Variants in ZNF292 observed in about 807,000 individuals in gnomAD.
ZNF292 encodes 16 zinc-finger domain protein.
In ZNF292, 26 loss-of-function variants were observed where a neutral mutation model predicts 217.9. The ratio of observed to expected loss-of-function variants is 0.12; its 90% CI spans 0.09 to 0.17. The LOEUF (loss-of-function observed/expected upper bound fraction) is 0.17, where lower values mean the gene tolerates loss of function less well. Among genes scored for constraint, ZNF292 ranks in the 10% least tolerant of loss-of-function variants. ZNF292 has a pLI of 1.00. For missense variants in ZNF292, 2,904 were observed against 3,175.2 expected, an observed-to-expected ratio of 0.91 and a Z score of 2.05; for synonymous variants, 1,257 against 1,124.1, an observed-to-expected ratio of 1.12 and a Z score of -2.37.
intron 7 of ZNF292, among the ~76,000 whole-genome samples, chr6:87,246,581 T>G (rs1306252981): frequency 3.9e-5 from 6 of 152,214 alleles, no homozygotes; most frequent in Non-Finnish European, 8.8e-5. Context: ...TATAAGATCC[T>G]GGGCCAGGCC....
chr6:87,160,491 ATGTGTGTGTG>A (rs1260142601), intron 1 of ZNF292, among the ~76,000 whole-genome samples: 1 of 146,436 alleles, frequency 6.8e-6, no homozygotes, highest in East Asian at 2.0e-4. Flanking sequence ...TTGTATATAT[ATGTGTGTGTG>A]TGTGTGTGTG....
intron 7 of ZNF292, among the ~76,000 whole-genome samples, chr6:87,250,807 T>C (rs1774882918): frequency 6.6e-6 from 1 of 152,212 alleles, no homozygotes; most frequent in Non-Finnish European, 1.5e-5. Context: ...AGTATACTCT[T>C]CACTAGACTC....
At chr6:87,218,775 G>A (rs767901962) in intron 4 of ZNF292, 44 bp downstream of exon 4, 15 of 1,511,860 alleles carry the variant, frequency 9.9e-6, no homozygotes, top group South Asian at 1.3e-5. Flanking sequence ...AATTAGACTA[G>A]AAAAAATAAG....
intron 1 of ZNF292, among the ~76,000 whole-genome samples, chr6:87,165,272 G>A (rs1327983746): frequency 1.3e-5 from 2 of 152,066 alleles, no homozygotes; most frequent in Non-Finnish European, 2.9e-5. Flanking sequence ...TCTTGTAACA[G>A]TGTTTCTCAG....
At position 87,259,082 on chromosome 6, in the gene ZNF292, T is replaced by G; in HGVS notation, c.5453T>G (p.Val1818Gly). The G allele has an allele frequency of 6.2e-7, 1 of 1,613,218 alleles. No individual in the cohort carries two copies. The stretch of plus-strand genomic sequence containing the variant: ...TCTCCGTTTTCCTCCTTTATAAGTG[T>G]CATGCCAACAAAAAGTAACATTCCT... ...DSSPFSSFIS[V>G]MPTKSNIPQS... The change falls in exon 8 of 8, where the codon GTC becomes GGC. Residue 1818 changes from valine (V) to glycine (G), a missense_variant. By Grantham distance (109) the Val-to-Gly change is moderately radical (BLOSUM62 -3). Coordinates refer to ENST00000369577, the MANE Select transcript of ZNF292 (RefSeq NM_015021.3).
chr6:87,180,369 C>T (rs1295562402), intron 1 of ZNF292, among the ~76,000 whole-genome samples: 3 of 152,200 alleles, frequency 2.0e-5, no homozygotes, highest in Non-Finnish European at 2.9e-5. Flanking sequence ...TGTGAATGCA[C>T]GGCTGCCAGT....
intron 1 of ZNF292, among the ~76,000 whole-genome samples, chr6:87,182,814 A>G (rs1771511055): frequency 6.6e-6 from 1 of 152,204 alleles, no homozygotes; most frequent in Admixed American, 6.5e-5. Flanking sequence ...AGTAAATTAT[A>G]TTATTTTTAA....
chr6:87,239,667 T>C (rs1205039868), intron 5 of ZNF292, among the ~76,000 whole-genome samples: 24 of 78,042 alleles, frequency 3.1e-4, no homozygotes, highest in African/African-American at 1.7e-3. Context: ...TCCTCACTTC[T>C]CAGACGGGGC....
At chr6:87,186,784 T>A (rs73751994) in intron 1 of ZNF292, among the ~76,000 whole-genome samples, 1,681 of 152,302 alleles carry the variant, frequency 0.011, 35 homozygotes, top group African/African-American at 0.037. Context: ...GGAGGAAGGA[T>A]AATTTGGAGT....
chr6:87,196,295 A>G (rs997224209), intron 1 of ZNF292, among the ~76,000 whole-genome samples: 3 of 152,102 alleles, frequency 2.0e-5, no homozygotes, highest in Non-Finnish European at 4.4e-5. Flanking sequence ...CCTCTGGGAT[A>G]TCTTCATCTT....
chr6:87,163,283 C>CT (rs1770812947), intron 1 of ZNF292, among the ~76,000 whole-genome samples: 1 of 152,124 alleles, frequency 6.6e-6, no homozygotes, highest in African/African-American at 2.4e-5. Context: ...AACCCCGTCT[C>CT]TACTAAAAAT....
intron 1 of ZNF292, among the ~76,000 whole-genome samples, chr6:87,157,011 C>A (rs1770565573): frequency 6.6e-6 from 1 of 152,182 alleles, no homozygotes; most frequent in South Asian, 2.1e-4. Flanking sequence ...TAACGTAGAA[C>A]AATGGTTGAC....
In ZNF292 at chr6:87,259,057, T is replaced by A; in HGVS notation, c.5428T>A (p.Ser1810Thr). The part of the protein sequence containing the change: ...TVQNNKLPDS[S>T]PFSSFISVMP... ...GCAAAATAACAAATTACCCGATTCT[T>A]CTCCGTTTTCCTCCTTTATAAGTGT... Residue 1810 changes from serine to threonine, a missense_variant, in exon 8 of 8, where the codon TCT becomes ACT. Ser to Thr is a moderately conservative substitution (Grantham distance 58, BLOSUM62 1). Transcript: ENST00000369577. The A allele has an allele frequency of 6.2e-7, 1 of 1,613,412 alleles. No homozygotes were observed. The highest frequency in any genetic ancestry group is 8.5e-7 in the Non-Finnish European group (1 of 1,179,644).
chr6:87,250,563 GTAT>G (rs1222374444), intron 7 of ZNF292, among the ~76,000 whole-genome samples: 2 of 152,186 alleles, frequency 1.3e-5, no homozygotes, highest in African/African-American at 4.8e-5. Context: ...ATTGTATTAG[GTAT>G]TATAAGTAAT....
At position 87,255,590 on chromosome 6, in the gene ZNF292, C is replaced by T; in HGVS notation, c.1961C>T (p.Ser654Leu). 1 of 1,611,204 alleles carries T rather than the reference C, an allele frequency of 6.2e-7. No homozygotes were observed. Among genetic ancestry groups the T allele is most frequent in the Non-Finnish European group, 8.5e-7 (1 of 1,178,430 alleles). ...ATAGTGTTTAATGACAATGATGGTTCAGATGATGAGAATGATGACAAAGAT... is the reference window on the plus strand; with the variant it reads ...ATAGTGTTTAATGACAATGATGGTTTAGATGATGAGAATGATGACAAAGAT... ...DFIVFNDNDG[S>L]DDENDDKDKS... The change falls in exon 8 of 8, where the codon TCA becomes TTA. Residue 654 changes from serine to leucine, a missense_variant. Transcript: ENST00000369577.
intron 1 of ZNF292, among the ~76,000 whole-genome samples, chr6:87,192,280 A>C (rs953772051): frequency 6.6e-6 from 1 of 152,060 alleles, no homozygotes; most frequent in African/African-American, 2.4e-5. Context: ...TAAATATCTC[A>C]ACAGTCTTTC....
At chr6:87,184,720 T>A (rs1080596) in intron 1 of ZNF292, among the ~76,000 whole-genome samples, 94,369 of 151,946 alleles carry the variant, frequency 0.62, 30,635 homozygotes, top group African/African-American at 0.81. Context: ...CTGGGGTTGC[T>A]GTAGCAAAGC....
intron 1 of ZNF292, among the ~76,000 whole-genome samples, chr6:87,167,905 A>G (rs1198249505): frequency 2.0e-5 from 3 of 152,242 alleles, no homozygotes; most frequent in South Asian, 4.1e-4. Flanking sequence ...TTCTTTACCT[A>G]TAAAGGCAGA....
intron 1 of ZNF292, among the ~76,000 whole-genome samples, chr6:87,197,722 C>CAAAAAAAAAAAAAAAAAAAAAAAAATAA: frequency 1.3e-5 from 1 of 77,310 alleles, no homozygotes; most frequent in Non-Finnish European, 2.4e-5. Flanking sequence ...CTCGCTGTTT[C>CAAAAAAAAAAAAAAAAAAAAAAAAATAA]AAAAAAAAAA....
Sources: allele counts gnomAD v4.1 joint callset (sites outside exome capture counted in the v4.1 genomes callset), GRCh38; gene constraint gnomAD v4.1.1; transcripts MANE v1.5; gene names NCBI Gene and HGNC (gene_info 2026-07-23, HGNC 2026-07-21).